The following ZCCHC2 variants were observed in gnomAD, a reference collection of about 807,000 sequenced individuals.
The protein encoded by ZCCHC2 is zinc finger CCHC-type containing 2.
In ZCCHC2, 39 loss-of-function variants were observed where a neutral mutation model predicts 103.6. The observed-to-expected ratio is 0.38, with a 90% confidence interval of 0.29 to 0.49. The LOEUF (loss-of-function observed/expected upper bound fraction) is 0.49, where lower values mean the gene tolerates loss of function less well. ZCCHC2 is among the 20% of genes least tolerant of loss of function. The pLI is 0.96. For synonymous variants in ZCCHC2, 687 were observed against 608.9 expected (o/e 1.13, Z -1.89); for missense variants, 1,483 against 1,491.0 (o/e 0.99, Z 0.09).
At chr18:62,539,821 C>T (rs901903133) in intron 2 of ZCCHC2, 29 bp downstream of exon 2, 1 of 1,516,028 alleles carries the variant, frequency 6.6e-7, no homozygotes, top group African/African-American at 1.4e-5. Context: ...AAACTTAAAG[C>T]ATTAATACAT....
intron 1 of ZCCHC2, among the ~76,000 whole-genome samples, chr18:62,530,880 ACTATT>A (rs936754762): frequency 1.3e-5 from 2 of 152,212 alleles, no homozygotes; most frequent in African/African-American, 2.4e-5. Flanking sequence ...TAGCTAGAAA[ACTATT>A]CTATAACTTA....
intron 3 of ZCCHC2, 51 bp from the exon 4 acceptor site, chr18:62,544,751 G>T: frequency 1.4e-6 from 2 of 1,459,448 alleles, no homozygotes; most frequent in Non-Finnish European, 1.8e-6. Flanking sequence ...TTTTCTAGCC[G>T]GTTCCTGCCT....
intron 1 of ZCCHC2, among the ~76,000 whole-genome samples, chr18:62,530,530 C>T (rs35307891): frequency 6.6e-6 from 1 of 151,674 alleles, no homozygotes; most frequent in Non-Finnish European, 1.5e-5. Context: ...TTTTTTTAAC[C>T]TAATAAAAAT....
chr18:62,526,691 C>T (rs986402145), intron 1 of ZCCHC2, among the ~76,000 whole-genome samples: 5 of 152,074 alleles, frequency 3.3e-5, no homozygotes, highest in African/African-American at 9.7e-5. Context: ...CTCGCGCGCC[C>T]CTCGCGTGGA....
At chr18:62,559,462 T>G (rs1324673056) in intron 7 of ZCCHC2, among the ~76,000 whole-genome samples, 1 of 152,222 alleles carries the variant, frequency 6.6e-6, no homozygotes, top group Admixed American at 6.5e-5. Context: ...CTCAGCAGAT[T>G]GACAAAACAT....
At chr18:62,542,791 G>C (rs941212990) in intron 3 of ZCCHC2, among the ~76,000 whole-genome samples, 1 of 152,140 alleles carries the variant, frequency 6.6e-6, no homozygotes, top group African/African-American at 2.4e-5. Flanking sequence ...TTAAAAAGAA[G>C]TAAGAGCCTT....
At chr18:62,537,965 G>C (rs1477416832) in intron 1 of ZCCHC2, among the ~76,000 whole-genome samples, 3 of 151,942 alleles carry the variant, frequency 2.0e-5, no homozygotes. Flanking sequence ...CATCCTAATG[G>C]GTATAAAGTG....
At chr18:62,562,913 A>G (rs1916187148) in intron 8 of ZCCHC2, 96 bp from the exon 9 acceptor site, 14 of 1,388,460 alleles carry the variant, frequency 1.0e-5, no homozygotes, top group South Asian at 1.4e-5. Flanking sequence ...AGAAACTAAT[A>G]TATTGAAGAA....
At chr18:62,549,849 T>A (rs1164183521) in intron 4 of ZCCHC2, among the ~76,000 whole-genome samples, 1 of 152,248 alleles carries the variant, frequency 6.6e-6, no homozygotes, top group African/African-American at 2.4e-5. Context: ...TTCAGTTCTT[T>A]ATTTGCTTCA....
intron 2 of ZCCHC2, among the ~76,000 whole-genome samples, chr18:62,541,429 T>TA (rs1197550407): frequency 3.3e-5 from 5 of 152,214 alleles, no homozygotes; most frequent in Non-Finnish European, 5.9e-5. Flanking sequence ...TTAACAGTCT[T>TA]ACTCCTCCTC....
intron 6 of ZCCHC2, among the ~76,000 whole-genome samples, chr18:62,558,277 A>AT (rs1422084296): frequency 1.3e-5 from 2 of 152,226 alleles, no homozygotes; most frequent in Non-Finnish European, 2.9e-5. Flanking sequence ...ACACTGAGAG[A>AT]TTAACAATTT....
At chr18:62,580,283 A>T (rs1035908193), downstream of ZCCHC2, among the ~76,000 whole-genome samples, 1 of 151,520 alleles carries the variant, frequency 6.6e-6, no homozygotes, top group Non-Finnish European at 1.5e-5. Flanking sequence ...GGTGGTTTTA[A>T]TTTTTTTTCT....
exon 15 of ZCCHC2, chr18:62,586,126 G>T (rs142369336): frequency 2.7e-5 from 4 of 145,720 alleles, no homozygotes; most frequent in Non-Finnish European, 4.5e-5. Flanking sequence ...TTACCTGAAA[G>T]CTACGTGAAT....
chr18:62,533,833 T>C (rs1166398229), intron 1 of ZCCHC2, among the ~76,000 whole-genome samples: 2 of 144,134 alleles, frequency 1.4e-5, no homozygotes, highest in African/African-American at 5.2e-5. Flanking sequence ...TATGGTGACA[T>C]TGCACTCCAG....
chr18:62,525,054 G>A (rs1234489347), intron 1 of ZCCHC2: 1 of 144,304 alleles, frequency 6.9e-6, no homozygotes, highest in East Asian at 1.9e-4. Context: ...TCCGGGGAGA[G>A]AAACCTTTTC....
In ZCCHC2 at chr18:62,563,051, G is replaced by A. The variant is rs781510410; in HGVS notation, c.1593G>A (p.Met531Ile). The change falls in exon 9 of 14, where the codon ATG becomes ATA. Residue 531 changes from methionine (M) to isoleucine (I), a missense_variant. Physicochemically the swap from Met to Ile is conservative, Grantham distance 10. Transcript: ENST00000269499. Reference protein sequence around the residue: ...TSCSPLDGLTMQYSEQNGIVD... With the variant: ...TSCSPLDGLTIQYSEQNGIVD... ...GTTCTCCATTGGATGGGCTTACCATGCAATATTCTGAACAGAATGGAATTG... is the reference window on the plus strand; with the variant it reads ...GTTCTCCATTGGATGGGCTTACCATACAATATTCTGAACAGAATGGAATTG... 13 of 1,613,768 alleles carry A rather than the reference G, an allele frequency of 8.1e-6. No homozygotes were observed. The East Asian group carries it at 2.7e-4, about 33-fold the overall frequency.
chr18:62,580,188 A>G (rs1034330313), downstream of ZCCHC2, among the ~76,000 whole-genome samples: 1 of 151,976 alleles, frequency 6.6e-6, no homozygotes, highest in Non-Finnish European at 1.5e-5. Context: ...TTGTGTTCTT[A>G]TATTTATTCA....
At chr18:62,571,535 GT>G (rs1187926768) in intron 12 of ZCCHC2, among the ~76,000 whole-genome samples, 2 of 152,140 alleles carry the variant, frequency 1.3e-5, no homozygotes, top group African/African-American at 4.8e-5. Context: ...TTTTGCTAGG[GT>G]TTTCATTGCT....
chr18:62,575,098 A>G lies in ZCCHC2; in HGVS notation c.3017A>G (p.Gln1006Arg). 5 of 1,614,046 alleles carry G rather than the reference A, an allele frequency of 3.1e-6. No individual in the cohort carries two copies. The highest frequency in any genetic ancestry group is 4.2e-6 in the Non-Finnish European group (5 of 1,179,892). ...NANGTVVPPQQMGSGPCGSCG... is the reference protein window; with the variant it reads ...NANGTVVPPQRMGSGPCGSCG... The stretch of plus-strand genomic sequence containing the variant: ...AATGGGACAGTAGTGCCACCGCAGC[A>G]GATGGGCTCAGGTCCTTGTGGTTCT... Residue 1006 changes from glutamine to arginine, a missense_variant, in exon 13 of 14, where the codon CAG (glutamine) becomes CGG (arginine). Coordinates refer to ENST00000269499, the MANE Select transcript of ZCCHC2 (RefSeq NM_017742.6).
Sources: allele counts gnomAD v4.1 joint callset (sites outside exome capture counted in the v4.1 genomes callset), GRCh38; gene constraint gnomAD v4.1.1; transcripts MANE v1.5; gene names NCBI Gene and HGNC (gene_info 2026-07-23, HGNC 2026-07-21).